The following FAAH2 variants were observed in gnomAD, a reference collection of about 807,000 sequenced individuals.
FAAH2 encodes the protein fatty acid amide hydrolase 2.
In FAAH2, 60 loss-of-function variants were observed where a neutral mutation model predicts 36.9. That is an observed-to-expected ratio of 1.63 (90% CI 1.32 to 2.02). The LOEUF is 2.02. Among genes scored for constraint, FAAH2 ranks in the 30% most tolerant of loss-of-function variants. The pLI is 0.00. For missense variants in FAAH2, 689 were observed against 397.5 expected, an observed-to-expected ratio of 1.73 and a Z score of -6.23; for synonymous variants, 214 against 143.8, an observed-to-expected ratio of 1.49 and a Z score of -3.49.
At chrX:57,484,072 T>C (rs1431593796) in intron 10 of FAAH2, among the ~76,000 whole-genome samples, 1 of 110,696 alleles carries the variant, frequency 9.0e-6, no homozygotes, top group Non-Finnish European at 1.9e-5. Flanking sequence ...CCCAAAGTGC[T>C]GGGATTACAG....
chrX:57,142,531 C>T, the FAAH2 span, among the ~76,000 whole-genome samples: 2 of 112,050 alleles, frequency 1.8e-5, no homozygotes, highest in African/African-American at 3.2e-5. Flanking sequence ...AACATATGGT[C>T]TGTCTTGGAG....
At chrX:57,290,112 A>G (rs183466898) in intron 1 of FAAH2, 166 of 154,186 alleles carry the variant, frequency 1.1e-3, no homozygotes, top group Admixed American at 2.4e-3. Flanking sequence ...ATATTTAATG[A>G]CATAATATAT....
At chrX:57,186,959 A>G in the FAAH2 span, among the ~76,000 whole-genome samples, 4 of 111,890 alleles carry the variant, frequency 3.6e-5, no homozygotes, top group African/African-American at 6.5e-5. Flanking sequence ...TGTTTTGATT[A>G]CTGTACCCTT....
chrX:57,156,038 G>A, the FAAH2 span, among the ~76,000 whole-genome samples: 2 of 111,616 alleles, frequency 1.8e-5, no homozygotes, highest in South Asian at 7.6e-4. Flanking sequence ...CTGTCTCCTG[G>A]GTCTTGCAGG....
At chrX:57,270,241 T>TA in the FAAH2 span, among the ~76,000 whole-genome samples, 1 of 111,245 alleles carries the variant, frequency 9.0e-6, no homozygotes, top group African/African-American at 3.3e-5. Flanking sequence ...TATCAACCAA[T>TA]AAAAGCCCAA....
chrX:57,276,910 C>A, the FAAH2 span, among the ~76,000 whole-genome samples: 1 of 111,247 alleles, frequency 9.0e-6, no homozygotes, highest in African/African-American at 3.3e-5. Context: ...TAATAACAGG[C>A]TCTGAAACTG....
chrX:57,399,587 T>A (rs2055384467), intron 7 of FAAH2, among the ~76,000 whole-genome samples: 1 of 111,565 alleles, frequency 9.0e-6, no homozygotes. Context: ...GGCTTCAATA[T>A]CCACTTGGCG....
chrX:57,275,538 G>T, the FAAH2 span, among the ~76,000 whole-genome samples: 1 of 112,339 alleles, frequency 8.9e-6, no homozygotes. Context: ...ATAACCAGCT[G>T]ACATCATAAC....
At chrX:57,350,322 A>G (rs747754229) in intron 5 of FAAH2, among the ~76,000 whole-genome samples, 6 of 110,929 alleles carry the variant, frequency 5.4e-5, no homozygotes, top group African/African-American at 2.0e-4. Context: ...AAGGACATTT[A>G]CCATTATGAA....
the FAAH2 span, among the ~76,000 whole-genome samples, chrX:57,191,678 G>A: frequency 8.9e-5 from 10 of 111,806 alleles, no homozygotes; most frequent in Admixed American, 9.5e-4. Context: ...TAAGAGATAG[G>A]GTTCTAGTTT....
At chrX:57,432,149 A>G (rs1178682172) in intron 8 of FAAH2, 112 bp downstream of exon 8, 4 of 571,855 alleles carry the variant, frequency 7.0e-6, no homozygotes, top group Admixed American at 7.7e-5. Context: ...GAAAAAAATA[A>G]GTAAAATAGT....
the FAAH2 span, among the ~76,000 whole-genome samples, chrX:57,190,843 C>T: frequency 9.0e-6 from 1 of 110,913 alleles, no homozygotes; most frequent in Non-Finnish European, 1.9e-5. Flanking sequence ...TAATGTTCGG[C>T]CATCCTGCAA....
the FAAH2 span, among the ~76,000 whole-genome samples, chrX:57,210,406 T>C: frequency 4.5e-5 from 5 of 112,140 alleles, no homozygotes; most frequent in Admixed American, 4.7e-4. Context: ...CAGAAACATA[T>C]ACAAATAATT....
At chrX:57,187,895 C>G in the FAAH2 span, among the ~76,000 whole-genome samples, 7 of 111,562 alleles carry the variant, frequency 6.3e-5, no homozygotes, top group African/African-American at 2.3e-4. Flanking sequence ...ACCAGCCTTG[C>G]ATCTCAAGGA....
the FAAH2 span, among the ~76,000 whole-genome samples, chrX:57,213,380 G>A: frequency 1.8e-5 from 2 of 110,756 alleles, no homozygotes; most frequent in Non-Finnish European, 3.8e-5. Context: ...CCATATGTTT[G>A]GTTTGTTCCT....
chrX:57,122,109 C>A, the FAAH2 span: 1 of 111,242 alleles, frequency 9.0e-6, no homozygotes, highest in Non-Finnish European at 1.9e-5. Context: ...ACACTATCTA[C>A]ATTTTAGGAA....
At chrX:57,407,766 T>C (rs2055603354) in intron 7 of FAAH2, among the ~76,000 whole-genome samples, 1 of 112,064 alleles carries the variant, frequency 8.9e-6, no homozygotes, top group African/African-American at 3.2e-5. Context: ...CTAATTTCCT[T>C]GTCTGAGAAC....
At chrX:57,469,896 T>G (rs1188870125) in intron 10 of FAAH2, among the ~76,000 whole-genome samples, 1 of 111,817 alleles carries the variant, frequency 8.9e-6, no homozygotes, top group Non-Finnish European at 1.9e-5. Flanking sequence ...TATAACAAAC[T>G]GTCTCTTAGA....
At chrX:57,353,487 T>TAAAAAAAA (rs3035714) in intron 5 of FAAH2, among the ~76,000 whole-genome samples, 48 of 83,727 alleles carry the variant, frequency 5.7e-4, no homozygotes, top group East Asian at 2.2e-3. Flanking sequence ...CCCAAATTAT[T>TAAAAAAAA]AAAAAAAAAA....
Sources: allele counts gnomAD v4.1 joint callset (sites outside exome capture counted in the v4.1 genomes callset), GRCh38; gene constraint gnomAD v4.1.1; transcripts MANE v1.5; gene names NCBI Gene and HGNC (gene_info 2026-07-23, HGNC 2026-07-21).